Variants in ZBTB7C observed in about 807,000 individuals in gnomAD.
ZBTB7C encodes zinc finger and BTB domain-containing protein 7C.
Under a neutral mutation model 25.7 loss-of-function variants are expected in ZBTB7C, and 8 were observed. That is an observed-to-expected ratio of 0.31 (90% CI 0.18 to 0.56). ZBTB7C has a LOEUF of 0.56. Ranked by LOEUF, ZBTB7C falls within the 20% of genes least tolerant of loss-of-function variation. The pLI is 0.91. For missense variants in ZBTB7C, 824 were observed against 855.2 expected (o/e 0.96, Z 0.46); for synonymous variants, 394 against 369.0 (o/e 1.07, Z -0.78).
chr18:48,084,209 G>C (rs1025738497), intron 3 of ZBTB7C, among the ~76,000 whole-genome samples: 1 of 152,130 alleles, frequency 6.6e-6, no homozygotes, highest in Admixed American at 6.5e-5. Flanking sequence ...TCAGCCTTCC[G>C]AGGCCTCACC....
At chr18:48,124,209 G>A (rs895603028) in intron 3 of ZBTB7C, among the ~76,000 whole-genome samples, 6 of 152,208 alleles carry the variant, frequency 3.9e-5, no homozygotes, top group Non-Finnish European at 7.3e-5. Context: ...TGAAAAAGCC[G>A]AACAAAGCCC....
At chr18:48,233,914 C>T (rs1489749919) in intron 2 of ZBTB7C, among the ~76,000 whole-genome samples, 2 of 152,136 alleles carry the variant, frequency 1.3e-5, no homozygotes, top group Non-Finnish European at 2.9e-5. Flanking sequence ...GTGGTAATGG[C>T]CTCTCCTTTG....
At chr18:48,176,070 G>C (rs1455419093) in intron 3 of ZBTB7C, among the ~76,000 whole-genome samples, 2 of 151,972 alleles carry the variant, frequency 1.3e-5, no homozygotes, top group African/African-American at 4.8e-5. Flanking sequence ...CTAGTTCCAA[G>C]GGAGAAAAAA....
rs114637306 is a variant in ZBTB7C, at chr18:48,109,008, A to G, written c.-16-67885T>C. On this transcript the variant is annotated intron_variant, in intron 3 of 4. Coordinates refer to ENST00000590800, the MANE Select transcript of ZBTB7C (RefSeq NM_001318841.2). ...GAGCTATGAACAAAGCCCTGGCAGG[A>G]GACATTTTTCAGAGGATGCTGAAGC... Among the ~76,000 whole-genome samples, 1,185 of 152,230 alleles carry G rather than the reference A, an allele frequency of 7.8e-3. 19 individuals are homozygous for G. Among genetic ancestry groups the G allele is most frequent in the African/African-American group, 0.027 (1,117 of 41,516 alleles).
intron 2 of ZBTB7C, among the ~76,000 whole-genome samples, chr18:48,212,575 T>C (rs1400943975): frequency 2.6e-5 from 4 of 152,066 alleles, no homozygotes; most frequent in Admixed American, 6.5e-5. Flanking sequence ...TGGGAGGCTG[T>C]GCATGAATGG....
rs1598756720 is a variant in ZBTB7C at position 48,039,922 on chromosome 18, T to C, written c.1186A>G (p.Ile396Val). ...CACCTGGTGAAGCGGACCTCGCAGATGGTGCACATGTATGGCTTCTCCCCG... is the reference window on the plus strand; with the variant it reads ...CACCTGGTGAAGCGGACCTCGCAGACGGTGCACATGTATGGCTTCTCCCCG... ...HTGEKPYMCT[I>V]CEVRFTRQDK... The change falls in exon 4 of 5, where the codon ATC becomes GTC. Residue 396 changes from isoleucine to valine, a missense_variant. Physicochemically the swap from Ile to Val is conservative, Grantham distance 29. Around this residue, in one of 4 missense-constraint regions of ZBTB7C, gnomAD observed 49 missense variants for 81.3 expected, o/e 0.60. Coordinates refer to ENST00000590800, the MANE Select transcript of ZBTB7C (RefSeq NM_001318841.2). 6.2e-7 allele frequency: 1 copy of C among 1,613,336 alleles called. No individual in the cohort carries two copies. The highest frequency in any genetic ancestry group is 2.2e-5 in the East Asian group (1 of 44,868).
chr18:48,409,039 CGG>C (rs2048347315), intron 1 of ZBTB7C, among the ~76,000 whole-genome samples, 185 bp downstream of exon 1: 1 of 151,276 alleles, frequency 6.6e-6, no homozygotes, highest in Non-Finnish European at 1.5e-5. Flanking sequence ...CTGCTCCAGC[CGG>C]CGCCCCAAGG....
At chr18:48,212,143 C>A (rs184908281) in intron 2 of ZBTB7C, among the ~76,000 whole-genome samples, 26 of 152,236 alleles carry the variant, frequency 1.7e-4, no homozygotes, top group East Asian at 1.4e-3. Context: ...TCACTAGAGC[C>A]CAGGTGTTTG....
chr18:48,033,694 C>T (rs56278643), intron 4 of ZBTB7C, among the ~76,000 whole-genome samples: 17,360 of 152,230 alleles, frequency 0.11, 1,298 homozygotes, highest in South Asian at 0.16. Context: ...ATTAGCAGTA[C>T]ACTTCTCAGG....
At chr18:48,210,005 C>T (rs2042666717) in intron 2 of ZBTB7C, among the ~76,000 whole-genome samples, 1 of 152,084 alleles carries the variant, frequency 6.6e-6, no homozygotes. Context: ...AAAACATGGT[C>T]AAAGGATCTG....
At chr18:48,308,194 C>T (rs1381610664) in intron 2 of ZBTB7C, among the ~76,000 whole-genome samples, 1 of 152,200 alleles carries the variant, frequency 6.6e-6, no homozygotes, top group Non-Finnish European at 1.5e-5. Context: ...TATGTACAGA[C>T]AAGGCTACTT....
intron 1 of ZBTB7C, among the ~76,000 whole-genome samples, chr18:48,376,768 T>G (rs535893239): frequency 6.8e-4 from 104 of 152,348 alleles, no homozygotes; most frequent in Non-Finnish European, 1.3e-3. Flanking sequence ...GTTGTCATTC[T>G]GCTGATGCTC....
At chr18:48,248,135 T>C (rs186429880) in intron 2 of ZBTB7C, among the ~76,000 whole-genome samples, 115 of 152,318 alleles carry the variant, frequency 7.5e-4, no homozygotes, top group Non-Finnish European at 1.3e-3. Flanking sequence ...TCCCCAGCCA[T>C]GTGGAACTGT....
intron 1 of ZBTB7C, among the ~76,000 whole-genome samples, chr18:48,379,594 G>C (rs1055604211): frequency 6.6e-6 from 1 of 152,040 alleles, no homozygotes; most frequent in Non-Finnish European, 1.5e-5. Context: ...AAAAAGCACA[G>C]GTTTTTGACA....
intron 2 of ZBTB7C, among the ~76,000 whole-genome samples, chr18:48,334,696 C>T (rs1306651401): frequency 1.3e-5 from 2 of 152,104 alleles, no homozygotes; most frequent in African/African-American, 2.4e-5. Flanking sequence ...AGCCATATTT[C>T]GTGACAATAA....
chr18:48,084,759 G>A (rs2038128637), intron 3 of ZBTB7C, among the ~76,000 whole-genome samples: 1 of 152,194 alleles, frequency 6.6e-6, no homozygotes, highest in Non-Finnish European at 1.5e-5. Context: ...ATGCACCTCA[G>A]GACCTAGTAA....
intron 2 of ZBTB7C, among the ~76,000 whole-genome samples, chr18:48,238,913 C>T (rs78278506): frequency 0.075 from 11,360 of 152,180 alleles, 524 homozygotes; most frequent in South Asian, 0.12. Context: ...CTCAGCCCCA[C>T]TCACCGGCTG....
chr18:48,112,116 A>C (rs1429221495), intron 3 of ZBTB7C, among the ~76,000 whole-genome samples: 3 of 152,200 alleles, frequency 2.0e-5, no homozygotes, highest in Admixed American at 6.5e-5. Context: ...TGATATGGAA[A>C]TATGCTACGT....
At chr18:48,080,053 A>G (rs567485405) in intron 3 of ZBTB7C, among the ~76,000 whole-genome samples, 1 of 152,356 alleles carries the variant, frequency 6.6e-6, no homozygotes, top group African/African-American at 2.4e-5. Context: ...AAGCCCACTG[A>G]CAGCAGAATG....
Sources: allele counts gnomAD v4.1 joint callset (sites outside exome capture counted in the v4.1 genomes callset), GRCh38; gene constraint gnomAD v4.1.1; regional missense constraint gnomAD v4.1.1; transcripts MANE v1.5; gene names NCBI Gene and HGNC (gene_info 2026-07-23, HGNC 2026-07-21).